Variants in GRIK1 observed in about 807,000 individuals in gnomAD.
GRIK1 encodes glutamate receptor ionotropic, kainate 1.
In GRIK1, 69 loss-of-function variants were observed where a neutral mutation model predicts 105.7. The ratio of observed to expected loss-of-function variants is 0.65; its 90% CI spans 0.54 to 0.80. GRIK1 has a LOEUF of 0.80. GRIK1 is among the 30% of genes least tolerant of loss of function. The probability of loss-of-function intolerance (pLI) is 0.00; values close to 1 mark genes in which losing one functional copy is unlikely to be tolerated. For missense variants in GRIK1, 1,109 were observed against 1,167.3 expected (o/e 0.95, Z 0.73); for synonymous variants, 438 against 431.3 (o/e 1.02, Z -0.19).
At chr21:29,540,311 TATAAAC>T (rs2089948535) in intron 16 of GRIK1, among the ~76,000 whole-genome samples, 2 of 152,350 alleles carry the variant, frequency 1.3e-5, no homozygotes, top group East Asian at 3.9e-4. Flanking sequence ...TGAGAGCAAA[TATAAAC>T]ATAGTTTTAT....
chr21:29,865,491 C>T (rs2068773160), intron 1 of GRIK1, among the ~76,000 whole-genome samples: 1 of 152,150 alleles, frequency 6.6e-6, no homozygotes, highest in Non-Finnish European at 1.5e-5. Context: ...TCTGCTAGTT[C>T]TATCACAGTA....
intron 1 of GRIK1, among the ~76,000 whole-genome samples, chr21:29,852,166 T>A (rs188774190): frequency 1.3e-5 from 2 of 152,332 alleles, no homozygotes; most frequent in Admixed American, 1.3e-4. Context: ...TTTTCCTTAA[T>A]GCTGCTTTGT....
chr21:29,765,899 TG>T (rs1414915495), intron 1 of GRIK1, among the ~76,000 whole-genome samples: 3 of 151,906 alleles, frequency 2.0e-5, no homozygotes, highest in African/African-American at 7.3e-5. Flanking sequence ...TCACCCAGGC[TG>T]GAGTGCAGTG....
At chr21:29,842,979 T>C (rs1217716725) in intron 1 of GRIK1, among the ~76,000 whole-genome samples, 1 of 152,240 alleles carries the variant, frequency 6.6e-6, no homozygotes, top group Non-Finnish European at 1.5e-5. Context: ...TTTCCTATTA[T>C]ATATTTCTGA....
intron 1 of GRIK1, among the ~76,000 whole-genome samples, chr21:29,796,584 C>A (rs994917311): frequency 2.6e-5 from 4 of 152,022 alleles, no homozygotes; most frequent in African/African-American, 9.7e-5. Context: ...ATAAGAAGTG[C>A]AGCGTATCTG....
chr21:29,846,459 GAGAGAGAAAGAA>G (rs1227503471), intron 1 of GRIK1, among the ~76,000 whole-genome samples: 22 of 106,210 alleles, frequency 2.1e-4, no homozygotes, highest in African/African-American at 6.8e-4. Context: ...GAAGGAAAGA[GAGAGAGAAAGAA>G]AGAAAGAAAG....
intron 4 of GRIK1, among the ~76,000 whole-genome samples, chr21:29,671,478 G>A (rs1056726340): frequency 6.7e-6 from 1 of 149,834 alleles, no homozygotes; most frequent in African/African-American, 2.5e-5. Flanking sequence ...GACTGCTGAT[G>A]TTCAGTGCAA....
rs116532583 is a variant in GRIK1, at chr21:29,939,795, A to C, written c.-295T>G. 2,178 of 304,270 alleles carry C rather than the reference A, an allele frequency of 7.2e-3. 37 individuals are homozygous for C. The highest frequency in any genetic ancestry group is 0.044 in the African/African-American group (2,016 of 46,216). The allele number at this position is 304,270 out of a possible 1,614,324, so 18.8% of individuals were successfully genotyped here. A position where few individuals can be genotyped will look rare whatever the true frequency, so the allele number is the denominator to read the frequency against. ...CAGCGCTCTCTGGCTCCCGGAGCCC[A>C]GAGACCAGCTGAGGAAAGTTGCTGC... On this transcript the variant is annotated 5_prime_UTR_variant, in exon 1 of 18. Coordinates refer to ENST00000327783, the MANE Select transcript of GRIK1 (RefSeq NM_001330994.2).
At chr21:29,575,085 C>T (rs2146230423) in intron 14 of GRIK1, among the ~76,000 whole-genome samples, 1 of 152,248 alleles carries the variant, frequency 6.6e-6, no homozygotes, top group African/African-American at 2.4e-5. Context: ...CATTACTTTG[C>T]TTCTTGATAA....
chr21:29,691,970 TC>T (rs1307614638), intron 2 of GRIK1, among the ~76,000 whole-genome samples: 1 of 152,204 alleles, frequency 6.6e-6, no homozygotes, highest in Non-Finnish European at 1.5e-5. Flanking sequence ...AAGCTTATTT[TC>T]TGGTTAGGTT....
At chr21:29,813,134 G>A (rs1423465161) in intron 1 of GRIK1, among the ~76,000 whole-genome samples, 1 of 152,092 alleles carries the variant, frequency 6.6e-6, no homozygotes, top group Non-Finnish European at 1.5e-5. Flanking sequence ...GCACACGCAT[G>A]TAAATGTTTG....
chr21:29,614,082 C>G (rs1189985752), intron 7 of GRIK1, among the ~76,000 whole-genome samples: 1 of 152,064 alleles, frequency 6.6e-6, no homozygotes, highest in East Asian at 1.9e-4. Flanking sequence ...AGCATGGCCT[C>G]AAACCAAGTT....
chr21:29,684,910 C>T (rs2063459972), intron 3 of GRIK1, among the ~76,000 whole-genome samples: 1 of 152,144 alleles, frequency 6.6e-6, no homozygotes, highest in Non-Finnish European at 1.5e-5. Flanking sequence ...ATTTATCTAC[C>T]TATTGTCTAT....
intron 1 of GRIK1, among the ~76,000 whole-genome samples, chr21:29,905,564 A>G (rs1233723410): frequency 6.9e-6 from 1 of 145,138 alleles, no homozygotes; most frequent in Non-Finnish European, 1.5e-5. Flanking sequence ...TCGTGCCTCA[A>G]CCTCCCTAGT....
chr21:29,627,180 T>C (rs921603135), intron 7 of GRIK1, among the ~76,000 whole-genome samples: 2 of 152,232 alleles, frequency 1.3e-5, no homozygotes, highest in Non-Finnish European at 2.9e-5. Flanking sequence ...TATGTACTTA[T>C]ATATAATAAC....
At chr21:29,663,246 A>C (rs1601401576) in intron 4 of GRIK1, among the ~76,000 whole-genome samples, 1 of 152,182 alleles carries the variant, frequency 6.6e-6, no homozygotes, top group Non-Finnish European at 1.5e-5. Context: ...ATTCTGCTGG[A>C]GTTTGAGATC....
intron 1 of GRIK1, among the ~76,000 whole-genome samples, chr21:29,825,911 C>T (rs1296769219): frequency 6.6e-6 from 1 of 151,986 alleles, no homozygotes; most frequent in Non-Finnish European, 1.5e-5. Flanking sequence ...CTCTCTCTCC[C>T]CACACAAACC....
At chr21:29,718,541 G>A (rs2064235717) in intron 1 of GRIK1, among the ~76,000 whole-genome samples, 1 of 152,202 alleles carries the variant, frequency 6.6e-6, no homozygotes, top group African/African-American at 2.4e-5. Flanking sequence ...TGAGAGACAG[G>A]ATGAATCAGG....
At chr21:29,774,929 T>C (rs2065905737) in intron 1 of GRIK1, among the ~76,000 whole-genome samples, 1 of 152,188 alleles carries the variant, frequency 6.6e-6, no homozygotes, top group Non-Finnish European at 1.5e-5. Flanking sequence ...ATCCACATTT[T>C]CACTTTGCAC....
Sources: gnomAD v4.1 joint callset for allele counts (sites outside exome capture counted in the v4.1 genomes callset) on GRCh38, gnomAD v4.1.1 for gene constraint, MANE v1.5 for transcripts, NCBI Gene and HGNC (gene_info 2026-07-23, HGNC 2026-07-21) for gene names.